The following NEB variants were observed in gnomAD, a reference collection of about 807,000 sequenced individuals.
The protein encoded by NEB is nebulin.
In NEB, 512 loss-of-function variants were observed where a neutral mutation model predicts 952.2. That is an observed-to-expected ratio of 0.54 (90% CI 0.50 to 0.58). The LOEUF is 0.58. NEB is among the 20% of genes least tolerant of loss of function. The pLI, the probability that NEB is intolerant of heterozygous loss-of-function variation, is 0.00. For synonymous variants in NEB, 2,900 were observed against 3,149.8 expected, an observed-to-expected ratio of 0.92 and a Z score of 2.66; for missense variants, 8,428 against 9,231.1, an observed-to-expected ratio of 0.91 and a Z score of 3.56.
intron 38 of NEB, among the ~76,000 whole-genome samples, 169 bp from the exon 39 acceptor site, chr2:151,669,300 T>C (rs1416999442): frequency 1.3e-5 from 2 of 152,160 alleles, no homozygotes; most frequent in Admixed American, 6.5e-5. Context: ...TATGTTCCCA[T>C]TCTACCAGTA....
intron 80 of NEB, 112 bp downstream of exon 80, chr2:151,610,403 AG>A: frequency 1.2e-6 from 1 of 809,394 alleles, no homozygotes; most frequent in South Asian, 1.7e-5. Context: ...AGAGGTAGGA[AG>A]TAGGACTGGA....
rs770022592 is a variant in NEB, at chr2:151,617,431, G to A, written c.11114C>T (p.Thr3705Ile). 2.0e-6 allele frequency: 3 copies of A among 1,525,628 alleles called. No individual in the cohort carries two copies. In the Admixed American group the frequency reaches 5.9e-5, roughly 30 times the overall value. The allele number at this position is 1,525,628 out of a possible 1,614,324, so 94.5% of individuals were successfully genotyped here. A position where few individuals can be genotyped will look rare whatever the true frequency, so the allele number is the denominator to read the frequency against. ...YTEAWDNDKK[T>I]IHVMPDTPEI... ...TGGTGTATCAGGCATGACATGAATA[G>A]TTTTCTTGTCATTGTCCCAGGCTTC... is the stretch of plus-strand genomic sequence containing the variant. Residue 3705 changes from threonine (T) to isoleucine (I), a missense_variant, in exon 75 of 182, where the codon ACT (threonine) becomes ATT (isoleucine). Coordinates refer to ENST00000397345, the MANE Select transcript of NEB (RefSeq NM_001164508.2).
intron 3 of NEB, among the ~76,000 whole-genome samples, chr2:151,731,452 T>C (rs1453029781): frequency 6.6e-6 from 1 of 152,210 alleles, no homozygotes; most frequent in Non-Finnish European, 1.5e-5. Context: ...TGCATATTTT[T>C]AAAGCTAGTT....
In NEB at chr2:151,570,548, C is replaced by A. The variant is rs772503328; in HGVS notation, c.17067G>T (p.Leu5689=). The change falls in exon 108 of 182, where the codon CTG becomes CTT. Residue 5689 remains leucine, a synonymous_variant. Transcript: ENST00000397345. ...TGGCAGCCTGGATGGGGATGGCATCCAGCCGGACATCACAGCCCGCCTTCA... is the reference window on the plus strand; with the variant it reads ...TGGCAGCCTGGATGGGGATGGCATCAAGCCGGACATCACAGCCCGCCTTCA... ...DEMKAGCDVR[L]DAIPIQAAKA... is the part of the protein sequence containing the mutation. 3.1e-6 allele frequency: 5 copies of A among 1,610,696 alleles called. No homozygotes were observed. Among genetic ancestry groups the A allele is most frequent in the Non-Finnish European group, 3.4e-6 (4 of 1,178,648 alleles).
At chr2:151,644,976 T>C (rs1181905719) in intron 55 of NEB, among the ~76,000 whole-genome samples, 1 of 152,200 alleles carries the variant, frequency 6.6e-6, no homozygotes, top group Non-Finnish European at 1.5e-5. Flanking sequence ...GTAGAGCATG[T>C]TAGTGTAGGC....
At chr2:151,508,593 G>A (rs921756332) in intron 161 of NEB, among the ~76,000 whole-genome samples, 4 of 152,248 alleles carry the variant, frequency 2.6e-5, no homozygotes, top group Non-Finnish European at 5.9e-5. Context: ...GAGCAGGTGC[G>A]GTCAGGGCTC....
At position 151,546,892 on chromosome 2, in the gene NEB, A is replaced by T. The variant is rs533529606; in HGVS notation, c.20368-449T>A. ...TACCTTGTACTCTTAGTTTACTTGC[A>T]CCCAAATAAGTCATGTTTTTTTTCA... On this transcript the variant is annotated intron_variant, in intron 133 of 181. Transcript: ENST00000397345. 2.4e-4 allele frequency among the ~76,000 whole-genome samples: 36 copies of T among 152,028 alleles called. No homozygotes were observed. The South Asian group carries it at 6.7e-3, about 28-fold the overall frequency.
At chr2:151,720,000 T>C (rs1174869166) in intron 9 of NEB, among the ~76,000 whole-genome samples, 1 of 151,748 alleles carries the variant, frequency 6.6e-6, no homozygotes, top group Non-Finnish European at 1.5e-5. Flanking sequence ...ATAGGATAAA[T>C]GTTTATTAAG....
intron 176 of NEB, 110 bp from the exon 177 acceptor site, chr2:151,492,604 T>C (rs188926325): frequency 3.1e-5 from 22 of 720,336 alleles, no homozygotes; most frequent in Middle Eastern, 4.3e-4. Context: ...TTGGGTCAAC[T>C]GAAGGGGCCC....
At chr2:151,553,787 G>C (rs775024749) in intron 126 of NEB, 41 bp downstream of exon 126, 3 of 1,552,826 alleles carry the variant, frequency 1.9e-6, no homozygotes, top group Non-Finnish European at 2.6e-6. Flanking sequence ...GGGGCCGTGG[G>C]GCGGGGCCGT....
At chr2:151,498,538 A>G (rs1265667080) in intron 169 of NEB, among the ~76,000 whole-genome samples, 186 bp from the exon 170 acceptor site, 1 of 152,200 alleles carries the variant, frequency 6.6e-6, no homozygotes, top group Non-Finnish European at 1.5e-5. Context: ...GGAATGCAGG[A>G]AAGAGCAGCA....
intron 43 of NEB, 62 bp from the exon 44 acceptor site, chr2:151,664,670 C>A (rs757946730): frequency 2.5e-5 from 38 of 1,534,396 alleles, no homozygotes; most frequent in Non-Finnish European, 3.1e-5. Flanking sequence ...GAGGTCCTGA[C>A]TACAAAGTGG....
intron 161 of NEB, among the ~76,000 whole-genome samples, chr2:151,508,748 C>T (rs984371805): frequency 3.2e-4 from 48 of 152,356 alleles, no homozygotes; most frequent in African/African-American, 1.2e-3. Flanking sequence ...GGCCAGCTGA[C>T]TGGCCAAGGA....
chr2:151,557,857 T>C lies in NEB; in HGVS notation c.19314+2735A>G, dbSNP rs559816364. On this transcript the variant is annotated intron_variant, in intron 124 of 181. Coordinates refer to ENST00000397345, the MANE Select transcript of NEB (RefSeq NM_001164508.2). ...AAACTCTCAATAAACTAGGTATTGATGGAATGTATCTCAAAATAGTAAGAG... is the reference window on the plus strand; with the variant it reads ...AAACTCTCAATAAACTAGGTATTGACGGAATGTATCTCAAAATAGTAAGAG... Among the ~76,000 whole-genome samples, 4 of 152,320 alleles carry C rather than the reference T, an allele frequency of 2.6e-5. No individual in the cohort carries two copies. In the South Asian group the frequency reaches 8.3e-4, roughly 32 times the overall value.
At chr2:151,535,565 T>G in intron 142 of NEB, 126 bp downstream of exon 142, 1 of 588,774 alleles carries the variant, frequency 1.7e-6, no homozygotes, top group East Asian at 3.0e-5. Context: ...TTCCAAATCT[T>G]TAGTTAAAAT....
chr2:151,562,976 C>A, intron 119 of NEB, among the ~76,000 whole-genome samples, 168 bp from the exon 120 acceptor site: 1 of 142,944 alleles, frequency 7.0e-6, no homozygotes, highest in East Asian at 2.0e-4. Context: ...ACTTTATATA[C>A]TTTAATATAT....
intron 4 of NEB, among the ~76,000 whole-genome samples, chr2:151,728,299 G>A (rs952946148): frequency 3.3e-5 from 5 of 152,076 alleles, no homozygotes; most frequent in African/African-American, 1.2e-4. Context: ...GGGAACAAAA[G>A]GTTAAGATAA....
Position 151,526,930 on chromosome 2 carries a change from T to G in NEB, c.21933A>C (p.Leu7311Phe). The G allele has an allele frequency of 1.3e-6, 2 of 1,592,278 alleles. No individual in the cohort carries two copies. Among genetic ancestry groups the G allele is most frequent in the Non-Finnish European group, 1.7e-6 (2 of 1,167,054 alleles). Residue 7311 changes from leucine to phenylalanine, a missense_variant, in exon 148 of 182, where the codon TTA (leucine) becomes TTC (phenylalanine). Leu to Phe is a conservative substitution (Grantham distance 22). Around this residue, in one of 11 missense-constraint regions of NEB, gnomAD observed 3,374 missense variants for 3,651.5 expected, o/e 0.92. Coordinates refer to ENST00000397345, the MANE Select transcript of NEB (RefSeq NM_001164508.2). ...ACTAGGTACTTACATCACTTTCTATTAAAGTATTCCTGAGGGCGAGCACCG... is the reference window on the plus strand; with the variant it reads ...ACTAGGTACTTACATCACTTTCTATGAAAGTATTCCTGAGGGCGAGCACCG... Reference protein sequence around the residue: ...KNTVLALRNTLIESDLKYKEK... With the variant: ...KNTVLALRNTFIESDLKYKEK...
At chr2:151,706,044 C>T (rs1244352358) in intron 13 of NEB, among the ~76,000 whole-genome samples, 1 of 152,184 alleles carries the variant, frequency 6.6e-6, no homozygotes, top group Non-Finnish European at 1.5e-5. Flanking sequence ...AACCAAAAAC[C>T]ACCTGTACCC....
Sources: gnomAD v4.1 joint callset for allele counts (sites outside exome capture counted in the v4.1 genomes callset) on GRCh38, gnomAD v4.1.1 for gene constraint, gnomAD v4.1.1 regional missense constraint, MANE v1.5 for transcripts, NCBI Gene and HGNC (gene_info 2026-07-23, HGNC 2026-07-21) for gene names.